HSPG2: variants seen among roughly 807,000 people sequenced by gnomAD.
HSPG2 encodes the protein basement membrane-specific heparan sulfate proteoglycan core protein.
Under a neutral mutation model 526.6 loss-of-function variants are expected in HSPG2, and 278 were observed. That is an observed-to-expected ratio of 0.53 (90% CI 0.48 to 0.58). The LOEUF (loss-of-function observed/expected upper bound fraction) is 0.58, where lower values mean the gene tolerates loss of function less well. Ranked by LOEUF, HSPG2 falls within the 20% of genes least tolerant of loss-of-function variation. The pLI is 0.00. For synonymous variants in HSPG2, 2,465 were observed against 2,555.4 expected, an observed-to-expected ratio of 0.96 and a Z score of 1.07; for missense variants, 5,354 against 6,099.5, an observed-to-expected ratio of 0.88 and a Z score of 4.07.
chr1:21,911,565 C>T (rs920290874), intron 1 of HSPG2, among the ~76,000 whole-genome samples: 4 of 152,236 alleles, frequency 2.6e-5, no homozygotes, highest in African/African-American at 9.6e-5. Flanking sequence ...TCCCATAGCA[C>T]AGCCCTTTAC....
In HSPG2 at chr1:21,904,031, C is replaced by T. The variant is rs1643239726; in HGVS notation, c.64-7721G>A. ...TTGGTTCAATTCAAGTCACTTCAAC[C>T]TCGACTTACGGGGTACCTACTATGT... On this transcript the variant is annotated intron_variant, in intron 1 of 96. Transcript: ENST00000374695. The surrounding 1 kb of genome is among the most constrained non-coding windows in gnomAD (Gnocchi z 4.4). Among the ~76,000 whole-genome samples the T allele has an allele frequency of 6.6e-6, 1 of 152,222 alleles. No homozygotes were observed. Among genetic ancestry groups the T allele is most frequent in the Admixed American group, 6.5e-5 (1 of 15,286 alleles).
rs550212153 is a variant in HSPG2 at position 21,893,375 on chromosome 1, C to T, written c.244+2547G>A. Reference sequence around the variant, plus strand: ...TTTAGATCTGTGGGCCCAGGGTGGGCCTGGCTGTGTCCTGGGCAGGGGCAG... The same window carrying T: ...TTTAGATCTGTGGGCCCAGGGTGGGTCTGGCTGTGTCCTGGGCAGGGGCAG... On this transcript the variant is annotated intron_variant, in intron 3 of 96. Coordinates refer to ENST00000374695, the MANE Select transcript of HSPG2 (RefSeq NM_005529.7). The surrounding 1 kb of genome is among the most constrained non-coding windows in gnomAD (Gnocchi z 4.3). Among the ~76,000 whole-genome samples, 384 of 152,282 alleles carry T rather than the reference C, an allele frequency of 2.5e-3. 1 individual carries two copies. The highest frequency in any genetic ancestry group is 8.9e-3 in the African/African-American group (371 of 41,550).
chr1:21,849,956 G>A (rs1291605048), intron 57 of HSPG2, 85 bp downstream of exon 57: 2 of 1,550,284 alleles, frequency 1.3e-6, no homozygotes, highest in Admixed American at 1.7e-5. Context: ...GGGATTACAG[G>A]CGTGAGCCAC....
chr1:21,903,399 G>A (rs1286006245), intron 1 of HSPG2, among the ~76,000 whole-genome samples: 2 of 152,142 alleles, frequency 1.3e-5, no homozygotes, highest in African/African-American at 2.4e-5. Flanking sequence ...TCAGGAGTTC[G>A]AGACTAGCCT....
Position 21,937,184 on chromosome 1 carries a change from C to T in HSPG2, c.34G>A (p.Ala12Thr), listed in dbSNP as rs529434165. 71 of 1,093,324 alleles carry T rather than the reference C, an allele frequency of 6.5e-5. No homozygotes were observed. The highest frequency in any genetic ancestry group is 7.8e-5 in the Non-Finnish European group (69 of 887,462). The allele number at this position is 1,093,324 out of a possible 1,614,324, so 67.7% of individuals were successfully genotyped here. A position where few individuals can be genotyped will look rare whatever the true frequency, so the allele number is the denominator to read the frequency against. ...GWRAAGALLLALLLHGRLLAV... is the reference protein window; with the variant it reads ...GWRAAGALLLTLLLHGRLLAV... Reference sequence around the variant, plus strand: ...AGCAGCCGCCCGTGCAGCAGCAGCGCCAGCAGCAGCGCGCCCGCCGCCCGC... The same window carrying T: ...AGCAGCCGCCCGTGCAGCAGCAGCGTCAGCAGCAGCGCGCCCGCCGCCCGC... Residue 12 changes from alanine to threonine, a missense_variant, in exon 1 of 97, where the codon GCG becomes ACG. Ala to Thr is a moderately conservative substitution (Grantham distance 58). Transcript: ENST00000374695.
At position 21,824,836 on chromosome 1, in the gene HSPG2, G is replaced by C. The variant is rs557810601; in HGVS notation, c.12590-57C>G. 7.4e-6 allele frequency: 11 copies of C among 1,492,516 alleles called. No homozygotes were observed. The highest frequency in any genetic ancestry group is 1.0e-5 in the Non-Finnish European group (11 of 1,087,750). 92.5% of individuals were successfully genotyped at this position (1,492,516 alleles called of 1,614,324 possible). A position where few individuals can be genotyped will look rare whatever the true frequency, so the allele number is the denominator to read the frequency against. ...GCTGCATCAGGCATCAAAATCCCCC[G>C]TCAGTTCCCCTGACCCCCACCTCCA... On this transcript the variant is annotated intron_variant, in intron 91 of 96. Transcript: ENST00000374695. The surrounding 1 kb of genome is among the most constrained non-coding windows in gnomAD (Gnocchi z 5.9).
In HSPG2 at chr1:21,824,451, T is replaced by TA. The variant is rs1306114468; in HGVS notation, c.12745-76_12745-75insT. ...GCTGCCGAGGCCAGGGGGCTCTGCT[T>TA]TCCCCTCCCCCCACCACTCCGGCCA... is the stretch of plus-strand genomic sequence containing the variant. On this transcript the variant is annotated intron_variant, in intron 93 of 96. Transcript: ENST00000374695. The surrounding 1 kb of genome is among the most constrained non-coding windows in gnomAD (Gnocchi z 5.9). 3.3e-5 allele frequency: 52 copies of TA among 1,599,440 alleles called. No individual in the cohort carries two copies. The African/African-American group carries it at 6.6e-4, about 20-fold the overall frequency.
At chr1:21,930,320 C>T (rs577913094) in intron 1 of HSPG2, among the ~76,000 whole-genome samples, 33 of 152,318 alleles carry the variant, frequency 2.2e-4, no homozygotes, top group African/African-American at 7.5e-4. Flanking sequence ...CTACCTACCC[C>T]GCCTCATCAC....
chr1:21,863,198 C>T (rs1639961556), intron 37 of HSPG2, among the ~76,000 whole-genome samples: 1 of 150,778 alleles, frequency 6.6e-6, no homozygotes, highest in South Asian at 2.1e-4. Flanking sequence ...CAGGTGAAAC[C>T]CCGCCTCTAC....
In HSPG2 at chr1:21,823,205, C is replaced by T. The variant is rs889983270; in HGVS notation, c.*111G>A. On this transcript the variant is annotated 3_prime_UTR_variant, in exon 97 of 97. Transcript: ENST00000374695. The stretch of plus-strand genomic sequence containing the variant: ...CCAGCCCAGGGCGGTAGCAGCAAAG[C>T]GTGGCATCGCCTCGGTTTCTTACAA... 10 of 1,064,258 alleles carry T rather than the reference C, an allele frequency of 9.4e-6. No homozygotes were observed. The highest frequency in any genetic ancestry group is 6.4e-5 in the South Asian group (3 of 47,224). 65.9% of individuals were successfully genotyped at this position (1,064,258 alleles called of 1,614,324 possible). A position where few individuals can be genotyped will look rare whatever the true frequency, so the allele number is the denominator to read the frequency against.
At position 21,869,611 on chromosome 1, in the gene HSPG2, C is replaced by A; in HGVS notation, c.4221+2575G>T. 2 of 986,046 alleles carry A rather than the reference C, an allele frequency of 2.0e-6. 1 individual carries two copies. The highest frequency in any genetic ancestry group is 9.4e-5 in the South Asian group (2 of 21,292). The allele number at this position is 986,046 out of a possible 1,614,324, so 61.1% of individuals were successfully genotyped here. A position where few individuals can be genotyped will look rare whatever the true frequency, so the allele number is the denominator to read the frequency against. On this transcript the variant is annotated intron_variant, in intron 33 of 96. Transcript: ENST00000374695. ...AGGGGGTTGGGGTTGGGCAGCAAAG[C>A]TGGACAGGAGCTGCCAGATCTCAGC...
In HSPG2 at chr1:21,823,693, A is replaced by G; in HGVS notation, c.12926T>C (p.Val4309Ala). ...GCCGCTGACCAGCTCCTCACCGTCG[A>G]CTTGGATGGAACCTCTGCGGCCCTC... ...LREGRRGSIQVDGEELVSGRS... is the reference protein window; with the variant it reads ...LREGRRGSIQADGEELVSGRS... The change falls in exon 96 of 97, where the codon GTC becomes GCC. Residue 4309 changes from valine to alanine, a missense_variant. Coordinates refer to ENST00000374695, the MANE Select transcript of HSPG2 (RefSeq NM_005529.7). 6.2e-7 allele frequency: 1 copy of G among 1,613,618 alleles called. No individual in the cohort carries two copies.
At chr1:21,929,089 C>G (rs1644282089) in intron 1 of HSPG2, among the ~76,000 whole-genome samples, 1 of 152,168 alleles carries the variant, frequency 6.6e-6, no homozygotes, top group Admixed American at 6.5e-5. Flanking sequence ...TGTTCACCTA[C>G]TATCTGCCTA....
chr1:21,882,781 C>A (rs915866458), intron 13 of HSPG2, among the ~76,000 whole-genome samples: 6 of 152,096 alleles, frequency 3.9e-5, no homozygotes, highest in Non-Finnish European at 8.8e-5. Context: ...CCGTCCCTCC[C>A]GGCTCTGGAC....
chr1:21,830,460 G>C (rs891590256), intron 85 of HSPG2: 2 of 330,966 alleles, frequency 6.0e-6, no homozygotes, highest in African/African-American at 4.2e-5. Flanking sequence ...GCCGAGGTGG[G>C]TGGATCACCT....
intron 1 of HSPG2, among the ~76,000 whole-genome samples, chr1:21,931,923 G>A (rs563857402): frequency 1.4e-4 from 22 of 152,284 alleles, no homozygotes; most frequent in African/African-American, 4.6e-4. Context: ...GCAGGGGCAG[G>A]GGCCCCTGAC....
chr1:21,888,130 G>A lies in HSPG2; in HGVS notation c.575-64C>T, dbSNP rs35420941. ...CAGGAGGCAGGTGCGGGAAGCTGTAGGTGCTGTGTGGCTGGAGTGGGCTCC... is the reference window on the plus strand; with the variant it reads ...CAGGAGGCAGGTGCGGGAAGCTGTAAGTGCTGTGTGGCTGGAGTGGGCTCC... On this transcript the variant is annotated intron_variant, in intron 6 of 96. Coordinates refer to ENST00000374695, the MANE Select transcript of HSPG2 (RefSeq NM_005529.7). 3 of 1,605,488 alleles carry A rather than the reference G, an allele frequency of 1.9e-6. No individual in the cohort carries two copies. The South Asian group carries it at 3.3e-5, about 18-fold the overall frequency.
At chr1:21,878,890 G>T in intron 18 of HSPG2, 104 bp downstream of exon 18, 2 of 1,416,704 alleles carry the variant, frequency 1.4e-6, no homozygotes, top group East Asian at 2.4e-5. Context: ...TTAGTGATCA[G>T]GTAGAGATCT....
intron 1 of HSPG2, among the ~76,000 whole-genome samples, chr1:21,916,025 T>C (rs1643878248): frequency 7.1e-6 from 1 of 141,506 alleles, no homozygotes; most frequent in Non-Finnish European, 1.5e-5. Context: ...CATGCCAGCC[T>C]GGGTGACAGA....
Sources: allele counts gnomAD v4.1 joint callset (sites outside exome capture counted in the v4.1 genomes callset), GRCh38; gene constraint gnomAD v4.1.1; non-coding constraint Gnocchi (gnomAD v3.1); transcripts MANE v1.5; gene names NCBI Gene and HGNC (gene_info 2026-07-23, HGNC 2026-07-21).